The following ADAMTSL1 variants were observed in gnomAD, a reference collection of about 807,000 sequenced individuals.
The protein encoded by ADAMTSL1 is ADAMTS-like protein 1.
A neutral mutation model predicts 201.8 loss-of-function variants in ADAMTSL1; 126 were observed. That is an observed-to-expected ratio of 0.62 (90% confidence interval 0.54 to 0.72). The LOEUF (loss-of-function observed/expected upper bound fraction) is 0.72, where lower values mean the gene tolerates loss of function less well. Among genes scored for constraint, ADAMTSL1 ranks in the 30% least tolerant of loss-of-function variants. The pLI is 0.00. For synonymous variants in ADAMTSL1, 1,121 were observed against 903.4 expected (o/e 1.24, Z -4.32); for missense variants, 2,679 against 2,277.8 (o/e 1.18, Z -3.59).
chr9:17,934,067 G>A (rs1826906415), intron 1 of ADAMTSL1, among the ~76,000 whole-genome samples: 1 of 152,068 alleles, frequency 6.6e-6, no homozygotes, highest in African/African-American at 2.4e-5. Flanking sequence ...CTTTGATATT[G>A]GCAGTCTGTG....
chr9:18,232,703 T>C (rs1431580312), intron 2 of ADAMTSL1, among the ~76,000 whole-genome samples: 1 of 152,110 alleles, frequency 6.6e-6, no homozygotes, highest in African/African-American at 2.4e-5. Flanking sequence ...TTCTGACAAA[T>C]AGTAAATTTG....
At chr9:18,363,927 GAGGA>G (rs56265111) in intron 2 of ADAMTSL1, among the ~76,000 whole-genome samples, 51,067 of 151,594 alleles carry the variant, frequency 0.34, 8,879 homozygotes, top group Admixed American at 0.44. Context: ...ACTAGAAATA[GAGGA>G]AGGAACATAG....
chr9:18,132,059 A>T (rs1328836638), intron 1 of ADAMTSL1, among the ~76,000 whole-genome samples: 1 of 152,078 alleles, frequency 6.6e-6, no homozygotes, highest in Non-Finnish European at 1.5e-5. Flanking sequence ...ATTTCTATCT[A>T]CTAAGGATCA....
intron 2 of ADAMTSL1, among the ~76,000 whole-genome samples, chr9:18,468,403 A>T (rs1428040034): frequency 6.6e-6 from 1 of 152,152 alleles, no homozygotes; most frequent in Non-Finnish European, 1.5e-5. Context: ...AGTTTCATTA[A>T]ATCTTTCAAA....
rs553375795 is a variant in ADAMTSL1, at chr9:18,848,230, C to G, written c.4249+18253C>G. Among the ~76,000 whole-genome samples, 28 of 152,266 alleles carry G rather than the reference C, an allele frequency of 1.8e-4. No homozygotes were observed. The South Asian group carries it at 5.8e-3, about 32-fold the overall frequency. ...GGAAGTTTAGAAAAAAATATTCCAACAGAGACCAATTAATTCGAGATCTCA... is the reference window on the plus strand; with the variant it reads ...GGAAGTTTAGAAAAAAATATTCCAAGAGAGACCAATTAATTCGAGATCTCA... On this transcript the variant is annotated intron_variant, in intron 23 of 28. Coordinates refer to ENST00000380548, the MANE Select transcript of ADAMTSL1 (RefSeq NM_001040272.6).
At chr9:18,689,267 T>A (rs1375847278) in intron 13 of ADAMTSL1, among the ~76,000 whole-genome samples, 1 of 152,144 alleles carries the variant, frequency 6.6e-6, no homozygotes, top group Non-Finnish European at 1.5e-5. Context: ...CACTATCACC[T>A]GACATGTATC....
At chr9:18,620,727 C>T (rs535986167) in intron 4 of ADAMTSL1, among the ~76,000 whole-genome samples, 1 of 152,138 alleles carries the variant, frequency 6.6e-6, no homozygotes, top group Non-Finnish European at 1.5e-5. Flanking sequence ...TACACTGAAC[C>T]CATAGGGATA....
intron 1 of ADAMTSL1, among the ~76,000 whole-genome samples, chr9:18,133,707 GT>G (rs1277717176): frequency 6.6e-6 from 1 of 152,088 alleles, no homozygotes; most frequent in Admixed American, 6.6e-5. Context: ...TGAACCCAGA[GT>G]TCTTAGCCCT....
rs184355971 is a variant in ADAMTSL1 at position 18,529,646 on chromosome 9, T to C, written c.192-3601T>C. On this transcript the variant is annotated intron_variant, in intron 2 of 28. Transcript: ENST00000380548. ...AATAGTAGAGACTAGTTAGTGTTTC[T>C]ATTATAATCCACAATTTAATAGTAG... Among the ~76,000 whole-genome samples the C allele has an allele frequency of 3.0e-3, 459 of 152,346 alleles. 1 individual carries two copies. Among genetic ancestry groups the C allele is most frequent in the Non-Finnish European group, 4.9e-3 (334 of 68,026 alleles).
At chr9:18,640,275 G>A (rs187896492) in intron 7 of ADAMTSL1, among the ~76,000 whole-genome samples, 5 of 152,278 alleles carry the variant, frequency 3.3e-5, no homozygotes, top group East Asian at 1.9e-4. Flanking sequence ...CCACATGAAC[G>A]TGAGCAAGAA....
intron 15 of ADAMTSL1, among the ~76,000 whole-genome samples, chr9:18,734,529 A>G (rs1218706725): frequency 6.6e-6 from 1 of 152,194 alleles, no homozygotes; most frequent in African/African-American, 2.4e-5. Context: ...CTGGAGAAAC[A>G]ATAAAGTCTA....
At chr9:18,189,709 TC>T (rs1394010640) in intron 2 of ADAMTSL1, among the ~76,000 whole-genome samples, 3 of 152,124 alleles carry the variant, frequency 2.0e-5, no homozygotes, top group African/African-American at 7.2e-5. Flanking sequence ...ATTAACTCCT[TC>T]AGCTCCCACC....
At chr9:17,950,345 T>A (rs2840779) in intron 1 of ADAMTSL1, among the ~76,000 whole-genome samples, 1 of 151,994 alleles carries the variant, frequency 6.6e-6, no homozygotes, top group African/African-American at 2.4e-5. Flanking sequence ...AAATTACATT[T>A]TGTTACATAT....
intron 3 of ADAMTSL1, among the ~76,000 whole-genome samples, chr9:18,545,436 C>T (rs1307952959): frequency 6.6e-6 from 1 of 152,052 alleles, no homozygotes; most frequent in Admixed American, 6.6e-5. Flanking sequence ...AAGTTTAAGG[C>T]TCAAGCATTT....
intron 20 of ADAMTSL1, among the ~76,000 whole-genome samples, chr9:18,810,295 A>T (rs747374628): frequency 7.2e-5 from 11 of 152,226 alleles, no homozygotes; most frequent in Non-Finnish European, 1.6e-4. Flanking sequence ...TGAGCTTCTC[A>T]GAACATTATT....
Position 18,908,819 on chromosome 9 carries a change from T to C in ADAMTSL1, c.*271T>C, listed in dbSNP as rs1361365464. 6 of 327,382 alleles carry C rather than the reference T, an allele frequency of 1.8e-5. No homozygotes were observed. The East Asian group carries it at 2.1e-4, about 11-fold the overall frequency. 20.3% of individuals were successfully genotyped at this position (327,382 alleles called of 1,614,324 possible). On this transcript the variant is annotated 3_prime_UTR_variant, in exon 29 of 29. Transcript: ENST00000380548. Reference sequence around the variant, plus strand: ...GGCCAGGCAGACAGTGGGGGCTCCCTTGAAGAGCTTCCTCCCTCCCAAACC... The same window carrying C: ...GGCCAGGCAGACAGTGGGGGCTCCCCTGAAGAGCTTCCTCCCTCCCAAACC...
At chr9:18,888,236 C>G (rs1025052312) in intron 24 of ADAMTSL1, among the ~76,000 whole-genome samples, 193 bp downstream of exon 24, 2 of 152,202 alleles carry the variant, frequency 1.3e-5, no homozygotes, top group African/African-American at 2.4e-5. Context: ...CCATCATGCC[C>G]CATCCCAGCA....
intron 1 of ADAMTSL1, among the ~76,000 whole-genome samples, chr9:17,944,430 C>A (rs941857614): frequency 3.3e-5 from 5 of 152,078 alleles, no homozygotes; most frequent in Admixed American, 3.3e-4. Flanking sequence ...CATCAAGCTA[C>A]CAAGGACTTT....
chr9:18,013,553 A>T (rs914077515), intron 1 of ADAMTSL1, among the ~76,000 whole-genome samples: 4 of 152,064 alleles, frequency 2.6e-5, no homozygotes, highest in African/African-American at 9.7e-5. Flanking sequence ...AAAGCAACCA[A>T]AAAACACGGA....
Sources: allele counts gnomAD v4.1 joint callset (sites outside exome capture counted in the v4.1 genomes callset), GRCh38; gene constraint gnomAD v4.1.1; transcripts MANE v1.5; gene names NCBI Gene and HGNC (gene_info 2026-07-23, HGNC 2026-07-21).